DIS3L2: variants seen among roughly 807,000 people sequenced by gnomAD.
DIS3L2 encodes the protein DIS3 like 3'-5' exoribonuclease 2, also known as DIS3-like exonuclease 2.
Under a neutral mutation model 97.5 loss-of-function variants are expected in DIS3L2, and 34 were observed. The ratio of observed to expected loss-of-function variants is 0.35; its 90% CI spans 0.27 to 0.46. DIS3L2 has a LOEUF of 0.46. Ranked by LOEUF, DIS3L2 falls within the 20% of genes least tolerant of loss-of-function variation. The probability of loss-of-function intolerance (pLI) is 1.00; values close to 1 mark genes in which losing one functional copy is unlikely to be tolerated. For missense variants in DIS3L2, 1,038 were observed against 1,146.0 expected (o/e 0.91, Z 1.36); for synonymous variants, 435 against 445.2 (o/e 0.98, Z 0.29).
At chr2:232,296,016 A>G (rs1200835124) in intron 13 of DIS3L2, among the ~76,000 whole-genome samples, 1 of 152,198 alleles carries the variant, frequency 6.6e-6, no homozygotes, top group Non-Finnish European at 1.5e-5. Flanking sequence ...TTCAGGTTAC[A>G]ATCTTGCTTA....
intron 9 of DIS3L2, among the ~76,000 whole-genome samples, chr2:232,208,403 C>T (rs1337083690): frequency 5.3e-5 from 8 of 152,124 alleles, no homozygotes; most frequent in East Asian, 1.9e-4. Flanking sequence ...CGCCACCTCC[C>T]GGGTTCAAAC....
chr2:232,238,428 G>A, intron 10 of DIS3L2, 105 bp from the exon 11 acceptor site: 2 of 871,642 alleles, frequency 2.3e-6, no homozygotes, highest in Non-Finnish European at 3.6e-6. Flanking sequence ...CCTAACTGCA[G>A]GTCCTGTGGC....
rs776635072 is a variant in DIS3L2 at position 232,334,359 on chromosome 2, C to T, written c.2159-10C>T. Reference sequence around the variant, plus strand: ...GGCTCCCACTCTCATGCCTCACCCCCTCTTCCCAGGCTATAGGGAGCGACT... The same window carrying T: ...GGCTCCCACTCTCATGCCTCACCCCTTCTTCCCAGGCTATAGGGAGCGACT... On this transcript the variant is annotated splice_polypyrimidine_tract_variant and intron_variant, in intron 17 of 20. Transcript: ENST00000325385. The T allele has an allele frequency of 6.2e-7, 1 of 1,612,976 alleles. No individual in the cohort carries two copies. Among genetic ancestry groups the T allele is most frequent in the Admixed American group, 1.7e-5 (1 of 60,008 alleles).
chr2:232,297,367 A>G (rs1328841294), intron 13 of DIS3L2, among the ~76,000 whole-genome samples: 1 of 152,182 alleles, frequency 6.6e-6, no homozygotes, highest in African/African-American at 2.4e-5. Context: ...TGACCCAGTG[A>G]CACCTTTCAT....
At chr2:232,288,318 A>G (rs957467025) in intron 13 of DIS3L2, among the ~76,000 whole-genome samples, 3 of 152,264 alleles carry the variant, frequency 2.0e-5, no homozygotes, top group Non-Finnish European at 4.4e-5. Flanking sequence ...TCATTAAAAC[A>G]TCTGAAGATG....
At chr2:232,331,387 G>A (rs1326901834) in intron 16 of DIS3L2, among the ~76,000 whole-genome samples, 3 of 152,198 alleles carry the variant, frequency 2.0e-5, no homozygotes, top group African/African-American at 4.8e-5. Flanking sequence ...GGTCGGCTCT[G>A]GGTCCCACCC....
chr2:232,206,509 G>A (rs985389526), intron 9 of DIS3L2, among the ~76,000 whole-genome samples: 1 of 152,178 alleles, frequency 6.6e-6, no homozygotes, highest in Non-Finnish European at 1.5e-5. Flanking sequence ...AATCATTTTT[G>A]TGTCACAAAA....
At chr2:232,077,961 C>CTTTCTTTCTTTCT (rs1248635673) in intron 5 of DIS3L2, among the ~76,000 whole-genome samples, 271 of 73,874 alleles carry the variant, frequency 3.7e-3, no homozygotes, top group Non-Finnish European at 5.8e-3. Context: ...CTTTCTCTTT[C>CTTTCTTTCTTTCT]TTTCTTTCTT....
intron 6 of DIS3L2, among the ~76,000 whole-genome samples, chr2:232,094,759 G>A (rs1289045567): frequency 6.7e-6 from 1 of 150,216 alleles, no homozygotes; most frequent in Non-Finnish European, 1.5e-5. Flanking sequence ...GAAAGCTCCA[G>A]CTGTTATTAT....
exon 14 of DIS3L2, chr2:232,344,317 GC>G (rs1274811513): frequency 6.6e-6 from 1 of 152,232 alleles, no homozygotes; most frequent in Non-Finnish European, 1.5e-5. Flanking sequence ...AGCCTGAGGG[GC>G]TGCTTCGTAT....
Position 232,172,264 on chromosome 2 carries a change from C to T in DIS3L2, c.1124+8632C>T, listed in dbSNP as rs189888027. Among the ~76,000 whole-genome samples the T allele has an allele frequency of 1.4e-4, 21 of 152,036 alleles. No individual in the cohort carries two copies. The East Asian group carries it at 3.1e-3, about 22-fold the overall frequency. ...TCTAATTCCAGAACATTTTTGTCAC[C>T]CCAAAAATCAATTCCATTAGCAGTC... On this transcript the variant is annotated intron_variant, in intron 9 of 20. Coordinates refer to ENST00000325385, the MANE Select transcript of DIS3L2 (RefSeq NM_152383.5).
At chr2:232,133,481 A>T (rs553562113) in intron 7 of DIS3L2, among the ~76,000 whole-genome samples, 1 of 152,312 alleles carries the variant, frequency 6.6e-6, no homozygotes, top group East Asian at 1.9e-4. Flanking sequence ...TGATAACCAA[A>T]AGGTCCAGGA....
chr2:232,336,438 C>A, intron 20 of DIS3L2, 31 bp from the exon 21 acceptor site: 1 of 1,598,400 alleles, frequency 6.3e-7, no homozygotes, highest in Non-Finnish European at 8.5e-7. Context: ...GCCCTGCCAT[C>A]CTTGTCCCCT....
intron 11 of DIS3L2, among the ~76,000 whole-genome samples, chr2:232,247,069 G>A (rs1170583160): frequency 6.6e-6 from 1 of 152,176 alleles, no homozygotes; most frequent in Non-Finnish European, 1.5e-5. Flanking sequence ...GCTCAGCTTT[G>A]TGACTTAAAG....
chr2:232,126,184 C>A (rs189228570), intron 6 of DIS3L2, among the ~76,000 whole-genome samples: 26 of 152,280 alleles, frequency 1.7e-4, no homozygotes, highest in African/African-American at 5.8e-4. Context: ...CTCTAAAATA[C>A]ATGTGTGATA....
chr2:232,329,828 C>T lies in DIS3L2; in HGVS notation c.1755C>T (p.Phe585=). The T allele has an allele frequency of 1.1e-6, 1 of 934,866 alleles. No individual in the cohort carries two copies. Among genetic ancestry groups the T allele is most frequent in the Non-Finnish European group, 1.5e-6 (1 of 664,838 alleles). 57.9% of individuals were successfully genotyped at this position (934,866 alleles called of 1,614,324 possible). The change falls in exon 15 of 21, where the codon TTC becomes TTT. Residue 585 remains phenylalanine (F), a synonymous_variant. Transcript: ENST00000325385. Reference sequence around the variant, plus strand: ...CCCTCTGCAGGCTCGTGGAGGAGTTCATGCTCTTGGCCAACATGGCAGTGG... The same window carrying T: ...CCCTCTGCAGGCTCGTGGAGGAGTTTATGCTCTTGGCCAACATGGCAGTGG... ...YRESNKLVEE[F]MLLANMAVAH...
intron 14 of DIS3L2, among the ~76,000 whole-genome samples, chr2:232,317,500 G>A (rs569926943): frequency 1.3e-5 from 2 of 152,258 alleles, no homozygotes; most frequent in African/African-American, 2.4e-5. Context: ...ACAGTGGCCC[G>A]ATCTCTGCTC....
intron 14 of DIS3L2, among the ~76,000 whole-genome samples, chr2:232,301,588 ATTTATC>A (rs1233948896): frequency 6.6e-6 from 1 of 152,160 alleles, no homozygotes; most frequent in Non-Finnish European, 1.5e-5. Context: ...ACTGTTTGTA[ATTTATC>A]TTTAGGAGAA....
chr2:232,183,069 C>G (rs1691336385), intron 9 of DIS3L2, among the ~76,000 whole-genome samples: 1 of 152,074 alleles, frequency 6.6e-6, no homozygotes, highest in Non-Finnish European at 1.5e-5. Flanking sequence ...GATTAGTGCC[C>G]TTATAAAAAG....
Sources: gnomAD v4.1 joint callset for allele counts (sites outside exome capture counted in the v4.1 genomes callset) on GRCh38, gnomAD v4.1.1 for gene constraint, MANE v1.5 for transcripts, NCBI Gene and HGNC (gene_info 2026-07-23, HGNC 2026-07-21) for gene names.